Variants in ATP8A2 observed in about 807,000 individuals in gnomAD.
ATP8A2 encodes the protein ATPase phospholipid transporting 8A2.
Under a neutral mutation model 165.6 loss-of-function variants are expected in ATP8A2, and 100 were observed. The observed-to-expected ratio is 0.60, with a 90% CI of 0.51 to 0.71. ATP8A2 has a LOEUF of 0.71. Among genes scored for constraint, ATP8A2 ranks in the 30% least tolerant of loss-of-function variants. The pLI, the probability that ATP8A2 is intolerant of heterozygous loss-of-function variation, is 0.00. For missense variants in ATP8A2, 1,227 were observed against 1,479.5 expected (o/e 0.83, Z 2.80); for synonymous variants, 543 against 548.8 (o/e 0.99, Z 0.15).
At chr13:25,577,742 C>G (rs1195088525) in intron 20 of ATP8A2, among the ~76,000 whole-genome samples, 1 of 152,114 alleles carries the variant, frequency 6.6e-6, no homozygotes, top group African/African-American at 2.4e-5. Context: ...GAACTAGATC[C>G]TGTTAAATTT....
At chr13:25,420,474 T>C (rs1056497541) in intron 1 of ATP8A2, among the ~76,000 whole-genome samples, 3 of 152,378 alleles carry the variant, frequency 2.0e-5, no homozygotes, top group Admixed American at 2.0e-4. Flanking sequence ...TTGAGCTTAT[T>C]ACATTGAACA....
intron 33 of ATP8A2, among the ~76,000 whole-genome samples, chr13:25,941,166 C>G (rs1036153814): frequency 2.6e-5 from 4 of 152,194 alleles, no homozygotes; most frequent in African/African-American, 9.7e-5. Context: ...GCTCCTGCTT[C>G]CCTGGGGGAC....
In ATP8A2 at chr13:26,004,570, A is replaced by C. The variant is rs528605901; in HGVS notation, c.3378-7961A>C. ...TTGAAAAGAATTGGCAAGAGTGGGC[A>C]TCCTTGTCTTGTTTCTAACCTTAGA... is the stretch of plus-strand genomic sequence containing the variant. On this transcript the variant is annotated intron_variant, in intron 35 of 36. Coordinates refer to ENST00000381655, the MANE Select transcript of ATP8A2 (RefSeq NM_016529.6). Among the ~76,000 whole-genome samples, 6 of 152,168 alleles carry C rather than the reference A, an allele frequency of 3.9e-5. No individual in the cohort carries two copies. The South Asian group carries it at 1.0e-3, about 26-fold the overall frequency.
chr13:25,918,909 G>A (rs369449979), intron 33 of ATP8A2, among the ~76,000 whole-genome samples: 51 of 152,182 alleles, frequency 3.4e-4, no homozygotes, highest in African/African-American at 1.2e-3. Context: ...ATTGCACCCT[G>A]GGGGTTGGTG....
intron 25 of ATP8A2, among the ~76,000 whole-genome samples, chr13:25,749,439 T>C (rs1033758863): frequency 5.3e-5 from 8 of 152,058 alleles, no homozygotes; most frequent in African/African-American, 1.4e-4. Context: ...GGAGTCCAGA[T>C]GCGAGGGAGT....
Position 25,652,308 on chromosome 13 carries a change from TTTCCTTA to T in ATP8A2, c.2212-46862_2212-46856del, listed in dbSNP as rs1173205729. 4.1e-4 allele frequency among the ~76,000 whole-genome samples: 63 copies of T among 152,324 alleles called. No homozygotes were observed. The Middle Eastern group carries it at 0.01, about 25-fold the overall frequency. On this transcript the variant is annotated intron_variant, in intron 24 of 36. Coordinates refer to ENST00000381655, the MANE Select transcript of ATP8A2 (RefSeq NM_016529.6). ...CCAGCGCCATTCATTGAGCAAGCTT[TTTCCTTA>T]TTACTGGTTTGGGATTCCTCCTTTA...
intron 33 of ATP8A2, among the ~76,000 whole-genome samples, chr13:25,896,976 A>C (rs1345915914): frequency 1.3e-5 from 2 of 151,852 alleles, no homozygotes; most frequent in Non-Finnish European, 2.9e-5. Flanking sequence ...ATGGGTCTTG[A>C]CTCTTTATCC....
intron 24 of ATP8A2, among the ~76,000 whole-genome samples, chr13:25,653,095 TTTTG>T (rs1032712877): frequency 1.3e-5 from 2 of 152,226 alleles, no homozygotes; most frequent in African/African-American, 4.8e-5. Flanking sequence ...AGGTTTTTTG[TTTTG>T]TTTAAGTCTT....
intron 31 of ATP8A2, 58 bp from the exon 32 acceptor site, chr13:25,860,746 A>T: frequency 7.3e-7 from 1 of 1,366,062 alleles, no homozygotes; most frequent in Non-Finnish European, 1.0e-6. Flanking sequence ...TTTCTCATGG[A>T]AAGTGAAAAT....
At chr13:25,774,774 C>A in intron 26 of ATP8A2, 75 bp from the exon 27 acceptor site, 1 of 845,450 alleles carries the variant, frequency 1.2e-6, no homozygotes, top group South Asian at 1.5e-5. Context: ...GACTTCTGTT[C>A]ATAAGGACAT....
At chr13:25,448,236 A>G (rs989871200) in intron 1 of ATP8A2, among the ~76,000 whole-genome samples, 3 of 152,260 alleles carry the variant, frequency 2.0e-5, no homozygotes, top group Non-Finnish European at 4.4e-5. Flanking sequence ...GAAATATACA[A>G]TAAATTATTG....
chr13:25,373,531 G>A (rs2032502889), intron 1 of ATP8A2, among the ~76,000 whole-genome samples: 1 of 152,154 alleles, frequency 6.6e-6, no homozygotes, highest in African/African-American at 2.4e-5. Context: ...CAAGGTGGAG[G>A]CAGCCTGAGG....
chr13:25,461,856 AGGAGG>A (rs1566150184), intron 1 of ATP8A2, among the ~76,000 whole-genome samples: 4 of 150,132 alleles, frequency 2.7e-5, no homozygotes, highest in African/African-American at 5.0e-5. Flanking sequence ...AAGAAGAAGG[AGGAGG>A]AGGAGGAGGA....
chr13:25,474,985 A>G (rs1245532271), intron 2 of ATP8A2, among the ~76,000 whole-genome samples: 1 of 151,792 alleles, frequency 6.6e-6, no homozygotes, highest in Non-Finnish European at 1.5e-5. Context: ...ATGCCTGGCT[A>G]ATTTTTGTAT....
chr13:25,798,282 A>G (rs1160298811), intron 27 of ATP8A2, among the ~76,000 whole-genome samples: 2 of 152,228 alleles, frequency 1.3e-5, no homozygotes, highest in Non-Finnish European at 2.9e-5. Flanking sequence ...GCAGTGATGC[A>G]TATAACTGAA....
chr13:25,438,097 C>T (rs2034829365), intron 1 of ATP8A2, among the ~76,000 whole-genome samples: 1 of 152,074 alleles, frequency 6.6e-6, no homozygotes, highest in Admixed American at 6.6e-5. Flanking sequence ...TTAGGGCATT[C>T]TGTGACCTTT....
rs377335703 is a variant in ATP8A2, at chr13:25,993,148, T to TA, written c.3378-19382dup. Among the ~76,000 whole-genome samples, 566 of 152,144 alleles carry TA rather than the reference T, an allele frequency of 3.7e-3. 4 individuals are homozygous for TA. Among genetic ancestry groups the TA allele is most frequent in the African/African-American group, 0.012 (500 of 41,486 alleles). The stretch of plus-strand genomic sequence containing the variant: ...ATTGTGAATAATGCCTCAATAAACA[T>TA]ACGTGTGCATGTGTCTTTATAGCAG... On this transcript the variant is annotated intron_variant, in intron 35 of 36. Coordinates refer to ENST00000381655, the MANE Select transcript of ATP8A2 (RefSeq NM_016529.6).
chr13:25,908,199 C>T (rs1231800753), intron 33 of ATP8A2, among the ~76,000 whole-genome samples: 1 of 152,142 alleles, frequency 6.6e-6, no homozygotes, highest in Non-Finnish European at 1.5e-5. Flanking sequence ...GCTTTCTTTG[C>T]TCCTATGTCT....
chr13:25,915,565 CA>C (rs2139008967), intron 33 of ATP8A2, among the ~76,000 whole-genome samples: 1 of 152,328 alleles, frequency 6.6e-6, no homozygotes, highest in South Asian at 2.1e-4. Flanking sequence ...TGGAAACCTC[CA>C]GGCACAGGGG....
Sources: gnomAD v4.1 joint callset for allele counts (sites outside exome capture counted in the v4.1 genomes callset) on GRCh38, gnomAD v4.1.1 for gene constraint, MANE v1.5 for transcripts, NCBI Gene and HGNC (gene_info 2026-07-23, HGNC 2026-07-21) for gene names.